PPARD: variants seen among roughly 807,000 people sequenced by gnomAD.
PPARD encodes the protein peroxisome proliferator-activated receptor delta.
Under a neutral mutation model 39.5 loss-of-function variants are expected in PPARD, and 6 were observed. That is an observed-to-expected ratio of 0.15 (90% confidence interval 0.08 to 0.30). The LOEUF (loss-of-function observed/expected upper bound fraction) is 0.30, where lower values mean the gene tolerates loss of function less well. Among genes scored for constraint, PPARD ranks in the 10% least tolerant of loss-of-function variants. PPARD has a pLI of 1.00. For synonymous variants in PPARD, 210 were observed against 231.3 expected (o/e 0.91, Z 0.83); for missense variants, 397 against 596.8 (o/e 0.67, Z 3.49).
intron 2 of PPARD, among the ~76,000 whole-genome samples, chr6:35,390,210 C>T (rs925241913): frequency 6.6e-6 from 1 of 152,240 alleles, no homozygotes; most frequent in Non-Finnish European, 1.5e-5. Flanking sequence ...ATCCCTGCTG[C>T]TCCCAAGTTG....
At chr6:35,377,874 T>TTTTTTTTTTTTTTTTGAGACAGAGTTTTC (rs1445981698) in intron 2 of PPARD, among the ~76,000 whole-genome samples, 1 of 142,148 alleles carries the variant, frequency 7.0e-6, no homozygotes, top group African/African-American at 3.0e-5. Flanking sequence ...TACGTATCTT[T>TTTTTTTTTTTTTTTTGAGACAGAGTTTTC]TTTTTTTTGA....
Position 35,424,903 on chromosome 6 carries a change from G to A in PPARD, c.1078+124G>A. Reference sequence around the variant, plus strand: ...GGGAAGTGTCCCTGTGATCTTGGCAGTGGAACATGCAAGGCACTGACTGAG... The same window carrying A: ...GGGAAGTGTCCCTGTGATCTTGGCAATGGAACATGCAAGGCACTGACTGAG... On this transcript the variant is annotated intron_variant, in intron 7 of 7. Coordinates refer to ENST00000360694, the MANE Select transcript of PPARD (RefSeq NM_006238.5). This position sits in a 1 kb window ranked among gnomAD's most constrained non-coding sequence, Gnocchi z 7.1. The A allele has an allele frequency of 6.8e-7, 1 of 1,466,464 alleles. No homozygotes were observed. The highest frequency in any genetic ancestry group is 9.0e-7 in the Non-Finnish European group (1 of 1,112,078). The allele number at this position is 1,466,464 out of a possible 1,614,324, so 90.8% of individuals were successfully genotyped here. A position where few individuals can be genotyped will look rare whatever the true frequency, so the allele number is the denominator to read the frequency against.
Position 35,380,497 on chromosome 6 carries a change from T to G in PPARD, c.-101-30490T>G, listed in dbSNP as rs1210993674. On this transcript the variant is annotated intron_variant, in intron 2 of 7. Transcript: ENST00000360694. ...GTTTGTTTTTTTTTTTTTTTTTTTT[T>G]TTTTTTTTTGAGACAAGGTCTTACT... is the stretch of plus-strand genomic sequence containing the variant. Among the ~76,000 whole-genome samples the G allele has an allele frequency of 7.4e-4, 99 of 133,258 alleles. 1 individual carries two copies. The highest frequency in any genetic ancestry group is 3.2e-3 in the African/African-American group (97 of 30,392). The allele number at this position is 133,258 out of a possible 152,430, so 87.4% of individuals were successfully genotyped here.
chr6:35,400,089 G>A (rs190628404), intron 2 of PPARD, among the ~76,000 whole-genome samples: 1 of 152,186 alleles, frequency 6.6e-6, no homozygotes, highest in African/African-American at 2.4e-5. Context: ...CAGCTTAACT[G>A]TGGGATTTTT....
intron 2 of PPARD, among the ~76,000 whole-genome samples, chr6:35,403,724 G>A (rs551722711): frequency 4.6e-5 from 7 of 151,718 alleles, no homozygotes; most frequent in South Asian, 4.1e-4. Context: ...TGGAGGGCCC[G>A]GGTCAGGGTT....
In PPARD at chr6:35,371,505, T is replaced by G. The variant is rs185237505; in HGVS notation, c.-102+24355T>G. Among the ~76,000 whole-genome samples, 681 of 152,314 alleles carry G rather than the reference T, an allele frequency of 4.5e-3. 5 individuals carry two copies. The highest frequency in any genetic ancestry group is 0.027 in the Middle Eastern group (8 of 294). On this transcript the variant is annotated intron_variant, in intron 2 of 7. Coordinates refer to ENST00000360694, the MANE Select transcript of PPARD (RefSeq NM_006238.5). Reference sequence around the variant, plus strand: ...TGCAGCCTTAAAAGCAGAGTCCATCTTTGTCTCTGCTCTTTGCATATCCCC... The same window carrying G: ...TGCAGCCTTAAAAGCAGAGTCCATCGTTGTCTCTGCTCTTTGCATATCCCC...
At chr6:35,376,847 C>T (rs9658086) in intron 2 of PPARD, among the ~76,000 whole-genome samples, 1,725 of 151,950 alleles carry the variant, frequency 0.011, 41 homozygotes, top group African/African-American at 0.038. Flanking sequence ...GGTGAAACCC[C>T]GTCTCTACTA....
chr6:35,403,657 C>A (rs9658125), intron 2 of PPARD, among the ~76,000 whole-genome samples: 1 of 152,050 alleles, frequency 6.6e-6, no homozygotes, highest in African/African-American at 2.4e-5. Context: ...AAACTGATAA[C>A]ATGGTGAGGC....
intron 3 of PPARD, among the ~76,000 whole-genome samples, chr6:35,419,445 C>A (rs1251529361): frequency 6.6e-6 from 1 of 152,118 alleles, no homozygotes; most frequent in Non-Finnish European, 1.5e-5. Context: ...CACTCAACAC[C>A]CCGTGGTTCA....
At chr6:35,373,996 T>C (rs1762642878) in intron 2 of PPARD, among the ~76,000 whole-genome samples, 1 of 152,130 alleles carries the variant, frequency 6.6e-6, no homozygotes, top group Non-Finnish European at 1.5e-5. Flanking sequence ...AGGTCAAGAT[T>C]GGGCACTGGG....
At chr6:35,415,044 C>T (rs960902412) in intron 3 of PPARD, among the ~76,000 whole-genome samples, 16 of 152,216 alleles carry the variant, frequency 1.1e-4, no homozygotes, top group Non-Finnish European at 2.1e-4. Context: ...CCATTCTCAT[C>T]CCTCCTGCTT....
At chr6:35,365,288 C>T (rs1762152172) in intron 2 of PPARD, among the ~76,000 whole-genome samples, 1 of 148,636 alleles carries the variant, frequency 6.7e-6, no homozygotes, top group Non-Finnish European at 1.5e-5. Flanking sequence ...CTTGCCACCA[C>T]ACCCAGCTAA....
In PPARD at chr6:35,347,153, A is replaced by C. The variant is rs1792233469; in HGVS notation, c.-102+3A>C. The C allele has an allele frequency of 6.5e-7, 1 of 1,535,684 alleles. No individual in the cohort carries two copies. Among genetic ancestry groups the C allele is most frequent in the Non-Finnish European group, 8.7e-7 (1 of 1,146,552 alleles). ...ATGAAGACAGATGCACCAACGAGGT[A>C]ATCCCATTTTCTTTACTCAGGGGTC... On this transcript the variant is annotated splice_donor_region_variant and intron_variant, in intron 2 of 7. Transcript: ENST00000360694.
chr6:35,393,606 A>G (rs1394717895), intron 2 of PPARD, among the ~76,000 whole-genome samples: 1 of 152,184 alleles, frequency 6.6e-6, no homozygotes, highest in Admixed American at 6.5e-5. Flanking sequence ...TCATGCAGGT[A>G]TAATATAAAA....
Position 35,420,274 on chromosome 6 carries a change from G to A in PPARD, c.278G>A (p.Gly93Glu). Residue 93 changes from glycine to glutamate, a missense_variant, in exon 4 of 8, where the codon GGG becomes GAG. By Grantham distance (98) the Gly-to-Glu change is moderately conservative. Coordinates refer to ENST00000360694, the MANE Select transcript of PPARD (RefSeq NM_006238.5). ...GFHYGVHACE[G>E]CKGFFRRTIR... ...CACTACGGTGTTCATGCATGTGAGG[G>A]GTGCAAGGTACGGACTGGGGGGAGC... 1.3e-6 allele frequency: 2 copies of A among 1,573,098 alleles called. No individual in the cohort carries two copies. Among genetic ancestry groups the A allele is most frequent in the East Asian group, 2.3e-5 (1 of 43,360 alleles).
intron 2 of PPARD, among the ~76,000 whole-genome samples, chr6:35,392,265 T>C (rs1764054018): frequency 6.6e-6 from 1 of 152,110 alleles, no homozygotes; most frequent in South Asian, 2.1e-4. Flanking sequence ...CTCAGAGAAG[T>C]GAAGCAGTTT....
rs1691800358 is a variant in PPARD at position 35,420,259 on chromosome 6, T to C, written c.263T>C (p.Val88Ala). Residue 88 changes from valine (V) to alanine (A), a missense_variant, in exon 4 of 8, where the codon GTT becomes GCT. Coordinates refer to ENST00000360694, the MANE Select transcript of PPARD (RefSeq NM_006238.5). Reference protein sequence around the residue: ...GDKASGFHYGVHACEGCKGFF... With the variant: ...GDKASGFHYGAHACEGCKGFF... ...AAGGCATCGGGCTTCCACTACGGTG[T>C]TCATGCATGTGAGGGGTGCAAGGTA... The C allele has an allele frequency of 1.3e-6, 2 of 1,589,678 alleles. No individual in the cohort carries two copies. The highest frequency in any genetic ancestry group is 2.7e-5 in the African/African-American group (2 of 74,412).
chr6:35,378,585 G>A (rs765822338), intron 2 of PPARD, among the ~76,000 whole-genome samples: 8 of 152,166 alleles, frequency 5.3e-5, no homozygotes, highest in Non-Finnish European at 1.2e-4. Flanking sequence ...GTGCCAGGTG[G>A]AGGAATACAA....
intron 2 of PPARD, among the ~76,000 whole-genome samples, chr6:35,388,569 G>A (rs1337596158): frequency 6.6e-6 from 1 of 152,016 alleles, no homozygotes; most frequent in African/African-American, 2.4e-5. Flanking sequence ...AAAAGTAGCC[G>A]GGCGTGGTGG....
Sources: gnomAD v4.1 joint callset for allele counts (sites outside exome capture counted in the v4.1 genomes callset) on GRCh38, gnomAD v4.1.1 for gene constraint, Gnocchi (gnomAD v3.1) non-coding constraint, MANE v1.5 for transcripts, NCBI Gene and HGNC (gene_info 2026-07-23, HGNC 2026-07-21) for gene names.